The following EIF4G3 variants were observed in gnomAD, a reference collection of about 807,000 sequenced individuals.
The protein encoded by EIF4G3 is eIF-4-gamma 3.
Under a neutral mutation model 186.4 loss-of-function variants are expected in EIF4G3, and 34 were observed. The observed-to-expected ratio is 0.18, with a 90% CI of 0.14 to 0.24. The LOEUF (loss-of-function observed/expected upper bound fraction) is 0.24. Among genes scored for constraint, EIF4G3 ranks in the 10% least tolerant of loss-of-function variants. EIF4G3 has a pLI of 1.00. For synonymous variants in EIF4G3, 673 were observed against 679.5 expected (o/e 0.99, Z 0.15); for missense variants, 1,536 against 1,948.5 (o/e 0.79, Z 3.99).
At chr1:21,113,475 C>CT (rs796080792) in intron 2 of EIF4G3, among the ~76,000 whole-genome samples, 4 of 150,816 alleles carry the variant, frequency 2.7e-5, no homozygotes, top group South Asian at 2.1e-4. Context: ...AAATATTGGG[C>CT]TTTTTTTTTA....
At chr1:20,961,001 A>T (rs2096556927) in intron 12 of EIF4G3, among the ~76,000 whole-genome samples, 1 of 152,246 alleles carries the variant, frequency 6.6e-6, no homozygotes, top group South Asian at 2.1e-4. Context: ...ACTTCACAGA[A>T]TACACAAAAA....
At chr1:20,861,132 A>C (rs2076225852) in intron 23 of EIF4G3, among the ~76,000 whole-genome samples, 1 of 152,254 alleles carries the variant, frequency 6.6e-6, no homozygotes, top group South Asian at 2.1e-4. Context: ...CATCTGATAT[A>C]AGTGGTTGAT....
chr1:21,102,006 G>A (rs757811867), intron 2 of EIF4G3, among the ~76,000 whole-genome samples: 4 of 152,250 alleles, frequency 2.6e-5, no homozygotes, highest in Non-Finnish European at 4.4e-5. Context: ...AATGGGATAA[G>A]CTTGAGAAGA....
Position 20,870,803 on chromosome 1 carries a change from GA to G in EIF4G3, c.2623-5542del, listed in dbSNP as rs1479989322. 2.0e-5 allele frequency among the ~76,000 whole-genome samples: 3 copies of G among 152,186 alleles called. No homozygotes were observed. In the East Asian group the frequency reaches 5.8e-4, roughly 29 times the overall value. ...TTAAATGCTTTATTATTCATGAAGG[GA>G]GTCTCACAGGCCTCTTCAGTCATTT... On this transcript the variant is annotated intron_variant, in intron 20 of 36. Coordinates refer to ENST00000602326, the MANE Select transcript of EIF4G3 (RefSeq NM_001391906.1).
At position 21,171,691 on chromosome 1, in the gene EIF4G3, C is replaced by T. The variant is rs190663305; in HGVS notation, c.-272+4484G>A. ...CAAGAATAACACAAATCTCAAAAGA[C>T]AATCATAAGCAATTATAATTCAAGA... On this transcript the variant is annotated intron_variant, in intron 2 of 36. Coordinates refer to ENST00000602326, the MANE Select transcript of EIF4G3 (RefSeq NM_001391906.1). Among the ~76,000 whole-genome samples the T allele has an allele frequency of 1.2e-3, 177 of 152,272 alleles. 1 individual carries two copies. The highest frequency in any genetic ancestry group is 2.0e-3 in the Non-Finnish European group (133 of 68,014).
chr1:21,092,444 C>CT (rs1557919608), intron 2 of EIF4G3, among the ~76,000 whole-genome samples: 2 of 152,176 alleles, frequency 1.3e-5, no homozygotes, highest in East Asian at 1.9e-4. Context: ...CTAAAATTCT[C>CT]TTTTTTTGTT....
At chr1:20,882,350 T>A (rs2082650449) in intron 19 of EIF4G3, among the ~76,000 whole-genome samples, 1 of 151,972 alleles carries the variant, frequency 6.6e-6, no homozygotes, top group African/African-American at 2.4e-5. Context: ...CCAGGAGCAG[T>A]GGCTCACGCC....
chr1:20,964,140 C>T (rs1003745047), intron 12 of EIF4G3, among the ~76,000 whole-genome samples: 3 of 152,024 alleles, frequency 2.0e-5, no homozygotes, highest in Non-Finnish European at 2.9e-5. Context: ...TGATACTGAG[C>T]GAGTAACAAA....
rs145341501 is a variant in EIF4G3, at chr1:20,918,391, T to C, written c.1664-13420A>G. Among the ~76,000 whole-genome samples the C allele has an allele frequency of 8.6e-3, 1,304 of 152,102 alleles. 5 individuals are homozygous for C. The highest frequency in any genetic ancestry group is 0.014 in the South Asian group (67 of 4,818). ...CACTTTGCTAATTTTTGTTTTTTTG[T>C]ACAGATGGGTCTCCCTATGTTGCCT... On this transcript the variant is annotated intron_variant, in intron 14 of 36. Transcript: ENST00000602326.
intron 7 of EIF4G3, 58 bp downstream of exon 7, chr1:20,997,543 C>T: frequency 6.7e-7 from 1 of 1,483,480 alleles, no homozygotes; most frequent in South Asian, 1.2e-5. Flanking sequence ...GAGTCAGCAG[C>T]TACTAAAGCC....
intron 10 of EIF4G3, among the ~76,000 whole-genome samples, chr1:20,974,125 C>CA (rs1249386201): frequency 6.6e-6 from 1 of 152,132 alleles, no homozygotes; most frequent in Non-Finnish European, 1.5e-5. Flanking sequence ...TTAGACAGGT[C>CA]AAGTTTCGGG....
chr1:21,159,600 C>T (rs776636743), intron 2 of EIF4G3, among the ~76,000 whole-genome samples: 80 of 151,536 alleles, frequency 5.3e-4, no homozygotes, highest in Non-Finnish European at 1.1e-3. Flanking sequence ...ATTAGCCAAG[C>T]GTGGTGGCGC....
At chr1:21,170,418 C>A (rs775738254) in intron 2 of EIF4G3, among the ~76,000 whole-genome samples, 9 of 152,128 alleles carry the variant, frequency 5.9e-5, no homozygotes, top group Admixed American at 5.2e-4. Context: ...TGCCTGTAAT[C>A]CCAGCACTTT....
intron 4 of EIF4G3, among the ~76,000 whole-genome samples, chr1:21,018,861 C>T (rs183681209): frequency 2.6e-5 from 4 of 152,110 alleles, no homozygotes; most frequent in Admixed American, 6.5e-5. Flanking sequence ...TTATCTGAAG[C>T]AGGTGTTGGT....
At chr1:20,999,311 T>C (rs917825868) in intron 6 of EIF4G3, 4 of 357,444 alleles carry the variant, frequency 1.1e-5, no homozygotes, top group Non-Finnish European at 2.2e-5. Flanking sequence ...AATTGAGGTC[T>C]TGTATTTTCA....
At chr1:21,148,390 G>A (rs2097489639) in intron 2 of EIF4G3, among the ~76,000 whole-genome samples, 1 of 151,580 alleles carries the variant, frequency 6.6e-6, no homozygotes, top group Non-Finnish European at 1.5e-5. Flanking sequence ...CTTCTCAATA[G>A]CAAAACTGTT....
At chr1:20,957,921 C>CA (rs2096476723) in intron 12 of EIF4G3, among the ~76,000 whole-genome samples, 1 of 151,858 alleles carries the variant, frequency 6.6e-6, no homozygotes, top group South Asian at 2.1e-4. Flanking sequence ...TTCCAACACA[C>CA]AAAAAAAGCC....
At chr1:21,005,534 A>G (rs1043601839) in intron 4 of EIF4G3, among the ~76,000 whole-genome samples, 2 of 152,182 alleles carry the variant, frequency 1.3e-5, no homozygotes, top group African/African-American at 2.4e-5. Flanking sequence ...AAGGGAATCC[A>G]CTGTATTTCA....
At chr1:21,091,057 C>T (rs2096179632) in intron 2 of EIF4G3, among the ~76,000 whole-genome samples, 1 of 151,826 alleles carries the variant, frequency 6.6e-6, no homozygotes, top group Admixed American at 6.6e-5. Flanking sequence ...TAAACTATAC[C>T]CTATTTCACA....
Sources: gnomAD v4.1 joint callset for allele counts (sites outside exome capture counted in the v4.1 genomes callset) on GRCh38, gnomAD v4.1.1 for gene constraint, MANE v1.5 for transcripts, NCBI Gene and HGNC (gene_info 2026-07-23, HGNC 2026-07-21) for gene names.